Variants in DCC observed in about 807,000 individuals in gnomAD.
The protein encoded by DCC is DCC netrin 1 receptor.
In DCC, 58 loss-of-function variants were observed where a neutral mutation model predicts 172.5. The observed-to-expected ratio is 0.34, with a 90% CI of 0.27 to 0.42. DCC has a LOEUF of 0.42. DCC is among the 10% of genes least tolerant of loss of function. The pLI, the probability that DCC is intolerant of heterozygous loss-of-function variation, is 1.00. For synonymous variants in DCC, 709 were observed against 644.5 expected (o/e 1.10, Z -1.52); for missense variants, 1,740 against 1,791.0 (o/e 0.97, Z 0.51).
At chr18:53,329,749 A>C (rs904669640) in intron 14 of DCC, among the ~76,000 whole-genome samples, 3 of 152,146 alleles carry the variant, frequency 2.0e-5, no homozygotes, top group Admixed American at 2.0e-4. Flanking sequence ...TGGAAAAAGA[A>C]ATTTATATGG....
chr18:52,967,790 C>T (rs751371074), intron 5 of DCC, among the ~76,000 whole-genome samples: 8 of 151,908 alleles, frequency 5.3e-5, no homozygotes, highest in Non-Finnish European at 1.2e-4. Flanking sequence ...AAATGTAACC[C>T]GTATGTAACA....
intron 2 of DCC, among the ~76,000 whole-genome samples, chr18:52,881,522 A>G (rs1699346771): frequency 1.3e-5 from 2 of 152,130 alleles, no homozygotes. Context: ...TGATTTTTGT[A>G]TATGGCAAGA....
In DCC at chr18:52,435,286, TGTGTGTGTGTGTGCAC is replaced by T. The variant is rs539319243; in HGVS notation, c.91+94420_91+94435del. Among the ~76,000 whole-genome samples the T allele has an allele frequency of 4.9e-3, 741 of 149,940 alleles. 2 individuals are homozygous for T. Among genetic ancestry groups the T allele is most frequent in the Admixed American group, 9.4e-3 (142 of 15,144 alleles). The stretch of plus-strand genomic sequence containing the variant: ...CAAGAAACTCCCAGTCCCTCTTGCC[TGTGTGTGTGTGTGCAC>T]GTGTGTGTGTGCTAAATAGATCTGT... On this transcript the variant is annotated intron_variant, in intron 1 of 28. Coordinates refer to ENST00000442544, the MANE Select transcript of DCC (RefSeq NM_005215.4).
rs549570570 is a variant in DCC at position 53,227,077 on chromosome 18, G to A, written c.1911+11480G>A. 8.0e-5 allele frequency among the ~76,000 whole-genome samples: 12 copies of A among 149,852 alleles called. No individual in the cohort carries two copies. In the East Asian group the frequency reaches 2.4e-3, roughly 29 times the overall value. ...TGATTCTCCTGCCTTAGCCTCCCGAGTAGCTGGAATACAGGTGAGTGCCAC... is the reference window on the plus strand; with the variant it reads ...TGATTCTCCTGCCTTAGCCTCCCGAATAGCTGGAATACAGGTGAGTGCCAC... On this transcript the variant is annotated intron_variant, in intron 12 of 28. Transcript: ENST00000442544.
intron 16 of DCC, among the ~76,000 whole-genome samples, chr18:53,387,935 G>T (rs1038816875): frequency 6.6e-6 from 1 of 152,204 alleles, no homozygotes; most frequent in Non-Finnish European, 1.5e-5. Context: ...AAAGGTGAAA[G>T]AATTCAAATA....
At chr18:53,310,351 A>G (rs2057251843) in intron 13 of DCC, among the ~76,000 whole-genome samples, 1 of 152,266 alleles carries the variant, frequency 6.6e-6, no homozygotes, top group African/African-American at 2.4e-5. Context: ...ACATGGATTT[A>G]TTGATTTGGC....
At chr18:52,379,750 G>A (rs1277559705) in intron 1 of DCC, among the ~76,000 whole-genome samples, 1 of 152,160 alleles carries the variant, frequency 6.6e-6, no homozygotes, top group African/African-American at 2.4e-5. Flanking sequence ...AGATTGAACA[G>A]TCTGAAGCAG....
intron 1 of DCC, among the ~76,000 whole-genome samples, chr18:52,447,345 G>A (rs1368371525): frequency 6.6e-6 from 1 of 152,162 alleles, no homozygotes; most frequent in Non-Finnish European, 1.5e-5. Context: ...ATCATAGTTG[G>A]GAAGACTGGG....
intron 26 of DCC, among the ~76,000 whole-genome samples, chr18:53,497,265 A>G (rs2046035920): frequency 6.6e-6 from 1 of 152,236 alleles, no homozygotes; most frequent in African/African-American, 2.4e-5. Context: ...CTGTGAAATT[A>G]CAAACTCTTT....
At chr18:52,490,715 T>A (rs187483220) in intron 1 of DCC, among the ~76,000 whole-genome samples, 3 of 152,198 alleles carry the variant, frequency 2.0e-5, no homozygotes, top group African/African-American at 7.2e-5. Flanking sequence ...ATCCTTGAAG[T>A]TGGGCATCAT....
chr18:52,651,920 A>T (rs2035140046), intron 1 of DCC, among the ~76,000 whole-genome samples: 1 of 152,338 alleles, frequency 6.6e-6, no homozygotes, highest in East Asian at 1.9e-4. Context: ...GGATATGTAA[A>T]GCCTTTCAAA....
chr18:52,744,697 G>A lies in DCC; in HGVS notation c.92-7357G>A, dbSNP rs150161347. Among the ~76,000 whole-genome samples, 46 of 152,178 alleles carry A rather than the reference G, an allele frequency of 3.0e-4. 1 individual carries two copies. The East Asian group carries it at 3.5e-3, about 12-fold the overall frequency. On this transcript the variant is annotated intron_variant, in intron 1 of 28. Transcript: ENST00000442544. ...GCACACTTTCTCTCTCTGGTCTAGC[G>A]GAAATTAAAGTCTTCCATTAATGGG...
chr18:52,642,034 ATATATATATATACTGTGGTGTGTGTGTG>A (rs879727981), intron 1 of DCC, among the ~76,000 whole-genome samples: 12,316 of 31,692 alleles, frequency 0.39, 908 homozygotes, highest in South Asian at 0.53. Context: ...ATATATATAT[ATATATATATATACTGTGGTGTGTGTGTG>A]TATATATATA....
At chr18:52,970,915 A>T (rs141269248) in intron 5 of DCC, among the ~76,000 whole-genome samples, 2 of 152,196 alleles carry the variant, frequency 1.3e-5, no homozygotes, top group African/African-American at 4.8e-5. Context: ...CAGCATCTTC[A>T]TAACTCTGGC....
chr18:53,518,857 C>G (rs563096584), intron 27 of DCC, among the ~76,000 whole-genome samples: 1 of 152,236 alleles, frequency 6.6e-6, no homozygotes, highest in South Asian at 2.1e-4. Flanking sequence ...GATCATTTAA[C>G]CTCAGAAACG....
At chr18:53,280,073 C>T (rs1280185929) in intron 12 of DCC, among the ~76,000 whole-genome samples, 1 of 152,052 alleles carries the variant, frequency 6.6e-6, no homozygotes, top group Non-Finnish European at 1.5e-5. Context: ...TGCAAATGTA[C>T]CCATGAACCT....
chr18:52,967,499 T>C (rs1374032371), intron 5 of DCC, among the ~76,000 whole-genome samples: 1 of 152,210 alleles, frequency 6.6e-6, no homozygotes, highest in Admixed American at 6.5e-5. Flanking sequence ...ATTTCTGTAT[T>C]CTTGGTAATA....
chr18:53,522,839 C>T (rs1036086220), intron 27 of DCC, among the ~76,000 whole-genome samples: 1 of 152,110 alleles, frequency 6.6e-6, no homozygotes, highest in African/African-American at 2.4e-5. Flanking sequence ...CAATACCATT[C>T]AGGACATAGG....
chr18:53,227,985 CT>C (rs1363255774), intron 12 of DCC, among the ~76,000 whole-genome samples: 1 of 152,066 alleles, frequency 6.6e-6, no homozygotes, highest in East Asian at 1.9e-4. Context: ...AAATTGATAT[CT>C]TTTTAAAATA....
Sources: gnomAD v4.1 joint callset for allele counts (sites outside exome capture counted in the v4.1 genomes callset) on GRCh38, gnomAD v4.1.1 for gene constraint, MANE v1.5 for transcripts, NCBI Gene and HGNC (gene_info 2026-07-23, HGNC 2026-07-21) for gene names.